The following SBF2 variants were observed in gnomAD, a reference collection of about 807,000 sequenced individuals.
SBF2 encodes myotubularin-related protein 13.
A neutral mutation model predicts 225.2 loss-of-function variants in SBF2; 112 were observed. That is an observed-to-expected ratio of 0.50 (90% confidence interval 0.43 to 0.58). SBF2 has a LOEUF of 0.58. Ranked by LOEUF, SBF2 falls within the 20% of genes least tolerant of loss-of-function variation. SBF2 has a pLI of 0.00. For missense variants in SBF2, 1,996 were observed against 2,206.2 expected (o/e 0.90, Z 1.91); for synonymous variants, 763 against 773.3 (o/e 0.99, Z 0.22).
chr11:10,173,485 T>A (rs921489191), intron 2 of SBF2, among the ~76,000 whole-genome samples: 2 of 152,128 alleles, frequency 1.3e-5, no homozygotes, highest in Non-Finnish European at 2.9e-5. Flanking sequence ...GGAGATTATA[T>A]CCCCCACCTG....
At chr11:10,173,897 G>A (rs1318518914) in intron 2 of SBF2, among the ~76,000 whole-genome samples, 1 of 151,864 alleles carries the variant, frequency 6.6e-6, no homozygotes, top group Non-Finnish European at 1.5e-5. Context: ...CCCAGCAGGG[G>A]CAGACTGACA....
intron 2 of SBF2, among the ~76,000 whole-genome samples, chr11:10,129,100 C>CT (rs757476668): frequency 0.02 from 1,843 of 90,062 alleles, 75 homozygotes; most frequent in Non-Finnish European, 0.024. Context: ...AATTTTCTCT[C>CT]TTTTTTTTTT....
chr11:10,177,091 C>A (rs954358752), intron 2 of SBF2, among the ~76,000 whole-genome samples: 5 of 151,748 alleles, frequency 3.3e-5, no homozygotes, highest in Non-Finnish European at 7.4e-5. Context: ...AGACAAAAAC[C>A]ACATGATTAT....
At chr11:9,860,261 G>GT (rs66485704) in intron 17 of SBF2, among the ~76,000 whole-genome samples, 44,152 of 127,264 alleles carry the variant, frequency 0.35, 8,306 homozygotes, top group African/African-American at 0.46. Flanking sequence ...TTTTGAAACA[G>GT]TTTTTTTTTT....
At chr11:10,248,586 G>C (rs533556799) in intron 1 of SBF2, among the ~76,000 whole-genome samples, 14 of 152,062 alleles carry the variant, frequency 9.2e-5, no homozygotes, top group Non-Finnish European at 1.9e-4. Context: ...AAATGCTAAG[G>C]GTTAACAGTG....
intron 16 of SBF2, among the ~76,000 whole-genome samples, chr11:9,911,525 CA>C (rs1862618691): frequency 6.6e-6 from 1 of 151,682 alleles, no homozygotes; most frequent in African/African-American, 2.4e-5. Context: ...TTTTGTAAAG[CA>C]AAAAAGTTAT....
At chr11:9,832,551 T>C in intron 26 of SBF2, 131 bp from the exon 27 acceptor site, 1 of 702,486 alleles carries the variant, frequency 1.4e-6, no homozygotes. Context: ...AGTAATTTTC[T>C]AAGATTCAGA....
intron 17 of SBF2, among the ~76,000 whole-genome samples, chr11:9,862,774 T>G (rs971827264): frequency 6.6e-6 from 1 of 152,166 alleles, no homozygotes; most frequent in Non-Finnish European, 1.5e-5. Context: ...TTTATTTTTT[T>G]GATTCTAATA....
intron 2 of SBF2, among the ~76,000 whole-genome samples, chr11:10,043,256 C>T (rs536208768): frequency 6.6e-6 from 1 of 152,152 alleles, no homozygotes; most frequent in East Asian, 1.9e-4. Flanking sequence ...GTAGGAATAC[C>T]GCATCAAAAT....
At position 9,800,909 on chromosome 11, in the gene SBF2, T is replaced by C. The variant is rs75021585; in HGVS notation, c.4444-4952A>G. On this transcript the variant is annotated intron_variant, in intron 32 of 39. Transcript: ENST00000256190. ...TCTTTCTCATTTCTTATATTGGTAATATGTGTCTTTTTTTTCTCAAGCAGT... is the reference window on the plus strand; with the variant it reads ...TCTTTCTCATTTCTTATATTGGTAACATGTGTCTTTTTTTTCTCAAGCAGT... 6.6e-3 allele frequency among the ~76,000 whole-genome samples: 1,002 copies of C among 152,260 alleles called. 11 individuals are homozygous for C. The highest frequency in any genetic ancestry group is 0.023 in the African/African-American group (950 of 41,534).
intron 9 of SBF2, among the ~76,000 whole-genome samples, chr11:9,996,126 G>A (rs1341048131): frequency 1.3e-5 from 2 of 152,164 alleles, no homozygotes; most frequent in African/African-American, 4.8e-5. Flanking sequence ...GTATGCAGCA[G>A]AACCCTTACC....
At chr11:10,246,155 T>C (rs1158009916) in intron 1 of SBF2, among the ~76,000 whole-genome samples, 1 of 151,336 alleles carries the variant, frequency 6.6e-6, no homozygotes, top group African/African-American at 2.4e-5. Context: ...AAAGAAAGAG[T>C]GGGGGGAAGC....
chr11:10,021,013 T>C (rs547619096), intron 6 of SBF2, among the ~76,000 whole-genome samples: 48 of 152,018 alleles, frequency 3.2e-4, no homozygotes, highest in African/African-American at 1.1e-3. Flanking sequence ...CATGGACAAG[T>C]AAAAAGAAAG....
intron 2 of SBF2, among the ~76,000 whole-genome samples, chr11:10,172,606 G>A (rs1407050236): frequency 2.0e-5 from 3 of 152,210 alleles, no homozygotes; most frequent in Non-Finnish European, 4.4e-5. Flanking sequence ...ACCGGCCTCG[G>A]CCTCCCGAAG....
chr11:10,205,625 C>T (rs1957726302), intron 1 of SBF2, among the ~76,000 whole-genome samples: 1 of 152,016 alleles, frequency 6.6e-6, no homozygotes, highest in African/African-American at 2.4e-5. Context: ...ACTAACAACA[C>T]AGGGAAAGCC....
rs200878994 is a variant in SBF2 at position 9,938,304 on chromosome 11, A to G, written c.1860+23653T>C. The stretch of plus-strand genomic sequence containing the variant: ...AGACTCCGTCTCAGAAAAAAAAAAG[A>G]AAAAAAAAAGATAATATTAAATTTC... On this transcript the variant is annotated intron_variant, in intron 16 of 39. Transcript: ENST00000256190. Among the ~76,000 whole-genome samples, 5 of 106,670 alleles carry G rather than the reference A, an allele frequency of 4.7e-5. 1 individual carries two copies. The highest frequency in any genetic ancestry group is 3.2e-4 in the South Asian group (1 of 3,098). 70.0% of individuals were successfully genotyped at this position (106,670 alleles called of 152,430 possible).
chr11:9,910,083 T>C (rs1047156510), intron 16 of SBF2, among the ~76,000 whole-genome samples: 1 of 152,166 alleles, frequency 6.6e-6, no homozygotes, highest in African/African-American at 2.4e-5. Flanking sequence ...AGGGGAACAT[T>C]TCTTATGATA....
intron 21 of SBF2, among the ~76,000 whole-genome samples, chr11:9,850,918 C>A (rs2133984186): frequency 6.6e-6 from 1 of 152,134 alleles, no homozygotes; most frequent in South Asian, 2.1e-4. Flanking sequence ...GATGGATCAC[C>A]TGAGGTCAGG....
At chr11:9,891,591 T>A (rs902035014) in intron 17 of SBF2, among the ~76,000 whole-genome samples, 1 of 152,228 alleles carries the variant, frequency 6.6e-6, no homozygotes, top group Non-Finnish European at 1.5e-5. Flanking sequence ...AAAATGAAAG[T>A]ACCATATAAA....
Sources: gnomAD v4.1 joint callset for allele counts (sites outside exome capture counted in the v4.1 genomes callset) on GRCh38, gnomAD v4.1.1 for gene constraint, MANE v1.5 for transcripts, NCBI Gene and HGNC (gene_info 2026-07-23, HGNC 2026-07-21) for gene names.